ABCG2: variants seen among roughly 807,000 people sequenced by gnomAD.
ABCG2 encodes ATP binding cassette subfamily G member 2 (JR blood group).
Under a neutral mutation model 73.5 loss-of-function variants are expected in ABCG2, and 80 were observed. The ratio of observed to expected loss-of-function variants is 1.09; its 90% CI spans 0.91 to 1.31. ABCG2 has a LOEUF of 1.31. Ranked by LOEUF, ABCG2 falls within the 50% of genes most tolerant of loss-of-function variation. ABCG2 has a pLI of 0.00. For synonymous variants in ABCG2, 269 were observed against 282.4 expected (o/e 0.95, Z 0.48); for missense variants, 796 against 786.2 (o/e 1.01, Z -0.15).
At chr4:88,174,005 A>G (rs1270437982) in intron 1 of ABCG2, among the ~76,000 whole-genome samples, 1 of 152,176 alleles carries the variant, frequency 6.6e-6, no homozygotes, top group Non-Finnish European at 1.5e-5. Context: ...TTTGTTATGG[A>G]CAGCAGTGTG....
At chr4:88,221,537 G>A (rs564620520) in intron 1 of ABCG2, among the ~76,000 whole-genome samples, 28 of 152,324 alleles carry the variant, frequency 1.8e-4, no homozygotes, top group Non-Finnish European at 2.8e-4. Flanking sequence ...ATGTGGGAAA[G>A]TTTGGAACTT....
chr4:88,116,046 T>G (rs1321024289), intron 7 of ABCG2, among the ~76,000 whole-genome samples: 1 of 152,022 alleles, frequency 6.6e-6, no homozygotes. Context: ...AACACAAAAA[T>G]TAGCCAGGTG....
chr4:88,177,767 G>T (rs368237056), intron 1 of ABCG2, among the ~76,000 whole-genome samples: 4 of 152,160 alleles, frequency 2.6e-5, no homozygotes, highest in Non-Finnish European at 4.4e-5. Flanking sequence ...GTGTGTTGGG[G>T]GAGGGAGAGC....
At chr4:88,214,285 T>C (rs1294846819) in intron 1 of ABCG2, among the ~76,000 whole-genome samples, 3 of 151,962 alleles carry the variant, frequency 2.0e-5, no homozygotes, top group African/African-American at 7.2e-5. Context: ...CTGTTATCTA[T>C]TTCCCCCATC....
At chr4:88,110,377 T>C (rs921117091) in intron 9 of ABCG2, among the ~76,000 whole-genome samples, 3 of 151,974 alleles carry the variant, frequency 2.0e-5, no homozygotes, top group African/African-American at 4.8e-5. Context: ...ACCCTGTCTA[T>C]ACTAAAAATA....
chr4:88,134,428 T>G (rs1198010159), intron 2 of ABCG2, among the ~76,000 whole-genome samples: 1 of 152,160 alleles, frequency 6.6e-6, no homozygotes. Flanking sequence ...AGGAGCAAGA[T>G]CTAACAGAAA....
intron 1 of ABCG2, among the ~76,000 whole-genome samples, chr4:88,227,842 A>G (rs1039996626): frequency 3.9e-5 from 6 of 152,226 alleles, no homozygotes; most frequent in African/African-American, 1.4e-4. Context: ...AAACCTTTGT[A>G]CAGACCAAGA....
At chr4:88,206,291 A>C (rs1169580422) in intron 1 of ABCG2, 1 of 152,190 alleles carries the variant, frequency 6.6e-6, no homozygotes, top group African/African-American at 2.4e-5. Flanking sequence ...TGTCTTAAAA[A>C]AATAAATGAA....
intron 1 of ABCG2, among the ~76,000 whole-genome samples, chr4:88,184,623 A>C (rs1728379918): frequency 6.6e-6 from 1 of 152,186 alleles, no homozygotes; most frequent in Non-Finnish European, 1.5e-5. Flanking sequence ...ATGTCACATT[A>C]CCCAAAGAAA....
rs147510135 is a variant in ABCG2 at position 88,213,937 on chromosome 4, C to T, written c.-20+17057G>A. Among the ~76,000 whole-genome samples the T allele has an allele frequency of 9.7e-3, 1,455 of 150,044 alleles. 65 individuals are homozygous for T. In the East Asian group the frequency reaches 0.12, roughly 12 times the overall value. On this transcript the variant is annotated intron_variant, in intron 1 of 15. Transcript: ENST00000515655. ...ACCTTGTGATCTGTGCCCACTTCAG[C>T]CTCCCAAAGTGCTGGGATTACAGCC... is the stretch of plus-strand genomic sequence containing the variant.
chr4:88,224,335 G>T (rs1366601097), intron 1 of ABCG2, among the ~76,000 whole-genome samples: 1 of 152,160 alleles, frequency 6.6e-6, no homozygotes, highest in African/African-American at 2.4e-5. Context: ...CTCCTAGGGA[G>T]GCTAAAGTGG....
chr4:88,198,840 A>G (rs1220473492), intron 1 of ABCG2, among the ~76,000 whole-genome samples: 1 of 152,136 alleles, frequency 6.6e-6, no homozygotes, highest in Non-Finnish European at 1.5e-5. Context: ...TGAAAAGCAA[A>G]GAGAAAAAAG....
intron 1 of ABCG2, among the ~76,000 whole-genome samples, chr4:88,215,471 G>A (rs957296777): frequency 3.3e-5 from 5 of 152,130 alleles, no homozygotes; most frequent in Non-Finnish European, 5.9e-5. Flanking sequence ...TCTTTTGGGA[G>A]GATTCAAAAA....
Position 88,118,260 on chromosome 4 carries a change from C to G in ABCG2, c.690G>C (p.Arg230Ser). ...TGATTGTTCGTCCCTGCTTAGACAT[C>G]CTAAGTTAAAAGTGAGACAATACTA... ...TANAVLLLLKRMSKQGRTIIF... is the reference protein window; with the variant it reads ...TANAVLLLLKSMSKQGRTIIF... The change falls in exon 7 of 16, where the codon AGG (arginine) becomes AGC (serine). Residue 230 changes from arginine to serine, a missense_variant and splice_region_variant. Transcript: ENST00000237612. 1 of 1,613,552 alleles carries G rather than the reference C, an allele frequency of 6.2e-7. No individual in the cohort carries two copies. Among genetic ancestry groups the G allele is most frequent in the Non-Finnish European group, 8.5e-7 (1 of 1,179,734 alleles).
intron 1 of ABCG2, among the ~76,000 whole-genome samples, chr4:88,222,605 C>A (rs145947112): frequency 1.2e-3 from 178 of 152,342 alleles, no homozygotes; most frequent in Middle Eastern, 6.8e-3. Flanking sequence ...TGCCATTGAA[C>A]CTCTTGCCTT....
intron 1 of ABCG2, among the ~76,000 whole-genome samples, chr4:88,165,737 G>A (rs570513949): frequency 6.6e-6 from 1 of 152,292 alleles, no homozygotes; most frequent in Admixed American, 6.5e-5. Flanking sequence ...AAGCGGGCAT[G>A]GTGGCATGCG....
At chr4:88,219,301 A>G (rs1729923450) in intron 1 of ABCG2, among the ~76,000 whole-genome samples, 1 of 152,246 alleles carries the variant, frequency 6.6e-6, no homozygotes. Flanking sequence ...GTGTTAGGAT[A>G]CAGCTTTGAA....
chr4:88,199,712 T>C (rs988025854), intron 1 of ABCG2, among the ~76,000 whole-genome samples: 3 of 152,186 alleles, frequency 2.0e-5, no homozygotes, highest in African/African-American at 7.2e-5. Context: ...TATTTTACTT[T>C]ATTTAGGCCG....
At chr4:88,216,318 T>C (rs1394363391) in intron 1 of ABCG2, among the ~76,000 whole-genome samples, 4 of 152,220 alleles carry the variant, frequency 2.6e-5, no homozygotes, top group East Asian at 3.8e-4. Flanking sequence ...CCTTTTGGAA[T>C]GGACACAGAG....
Sources: allele counts gnomAD v4.1 joint callset (sites outside exome capture counted in the v4.1 genomes callset), GRCh38; gene constraint gnomAD v4.1.1; transcripts MANE v1.5; gene names NCBI Gene and HGNC (gene_info 2026-07-23, HGNC 2026-07-21).